The following KICS2 variants were observed in gnomAD, a reference collection of about 807,000 sequenced individuals.
KICS2 encodes the protein KICSTOR complex protein C12orf66.
In KICS2, 13 loss-of-function variants were observed where a neutral mutation model predicts 31.4. The observed-to-expected ratio is 0.41, with a 90% CI of 0.27 to 0.66. The LOEUF is 0.66. Ranked by LOEUF, KICS2 falls within the 30% of genes least tolerant of loss-of-function variation. The pLI, the probability that KICS2 is intolerant of heterozygous loss-of-function variation, is 0.28. For synonymous variants in KICS2, 209 were observed against 214.8 expected (o/e 0.97, Z 0.24); for missense variants, 455 against 545.4 (o/e 0.83, Z 1.65).
chr12:64,209,846 A>C (rs1040332612), intron 2 of KICS2, among the ~76,000 whole-genome samples: 60 of 152,350 alleles, frequency 3.9e-4, no homozygotes, highest in Middle Eastern at 6.8e-3. Context: ...TACTAGTCAC[A>C]AAATTTGTTA....
chr12:64,217,977 G>T (rs934452857), intron 1 of KICS2, among the ~76,000 whole-genome samples: 8 of 152,188 alleles, frequency 5.3e-5, no homozygotes, highest in Middle Eastern at 3.2e-3. Flanking sequence ...TTTGTGTTGG[G>T]CCGCATTCAA....
intron 2 of KICS2, among the ~76,000 whole-genome samples, chr12:64,214,628 C>G (rs2037611441): frequency 1.3e-5 from 2 of 152,148 alleles, no homozygotes; most frequent in South Asian, 4.1e-4. Flanking sequence ...ACCTGTAATC[C>G]CAGCACTTTG....
chr12:64,196,069 CGGG>C lies in KICS2; in HGVS notation c.522-1414_522-1412del, dbSNP rs1592379669. ...AGGCTTGATTAGGTAAACAAAGCAG[CGGG>C]CAGCTCCAACTGGGTGGAGCCCACC... On this transcript the variant is annotated intron_variant, in intron 2 of 2. Transcript: ENST00000398055. 1.2e-4 allele frequency among the ~76,000 whole-genome samples: 19 copies of C among 152,006 alleles called. No individual in the cohort carries two copies. In the East Asian group the frequency reaches 3.7e-3, roughly 30 times the overall value.
chr12:64,195,193 G>C (rs1454464518), intron 2 of KICS2, among the ~76,000 whole-genome samples: 1 of 152,210 alleles, frequency 6.6e-6, no homozygotes, highest in Non-Finnish European at 1.5e-5. Flanking sequence ...GGGATTACAG[G>C]TGTGGGCCAC....
At chr12:64,214,667 C>G (rs2136705277) in intron 2 of KICS2, among the ~76,000 whole-genome samples, 1 of 151,950 alleles carries the variant, frequency 6.6e-6, no homozygotes, top group East Asian at 2.0e-4. Flanking sequence ...ATCACAAGGT[C>G]AGGAGTTCGA....
chr12:64,207,025 G>T (rs911289303), intron 2 of KICS2, among the ~76,000 whole-genome samples: 2 of 152,062 alleles, frequency 1.3e-5, no homozygotes, highest in African/African-American at 4.8e-5. Flanking sequence ...TGGTAAATTT[G>T]CTGGGGGCGG....
chr12:64,195,668 T>C (rs979418114), intron 2 of KICS2, among the ~76,000 whole-genome samples: 1 of 152,222 alleles, frequency 6.6e-6, no homozygotes, highest in Non-Finnish European at 1.5e-5. Flanking sequence ...ACGGGTGATT[T>C]CTGCATTTCC....
intron 1 of KICS2, among the ~76,000 whole-genome samples, chr12:64,216,301 G>A (rs1243070908): frequency 6.6e-6 from 1 of 152,072 alleles, no homozygotes; most frequent in East Asian, 1.9e-4. Context: ...CCAATTCAAT[G>A]AGGATTCAGA....
At chr12:64,214,474 A>G (rs1002071050) in intron 2 of KICS2, among the ~76,000 whole-genome samples, 1 of 152,222 alleles carries the variant, frequency 6.6e-6, no homozygotes, top group Non-Finnish European at 1.5e-5. Flanking sequence ...AGAGAGAAAG[A>G]ATTGCAAGTA....
downstream of KICS2, among the ~76,000 whole-genome samples, chr12:64,189,965 AAAGG>A (rs1474590809): frequency 6.6e-6 from 1 of 152,168 alleles, no homozygotes; most frequent in African/African-American, 2.4e-5. Flanking sequence ...TAGAGTAACC[AAAGG>A]AAAAAAAAAG....
At chr12:64,202,353 T>C (rs1362729393) in intron 2 of KICS2, among the ~76,000 whole-genome samples, 1 of 152,012 alleles carries the variant, frequency 6.6e-6, no homozygotes, top group Non-Finnish European at 1.5e-5. Flanking sequence ...CTGAGGCTAG[T>C]GGGCTGTGAT....
chr12:64,203,174 G>A (rs1387965951), intron 2 of KICS2, among the ~76,000 whole-genome samples: 1 of 152,176 alleles, frequency 6.6e-6, no homozygotes, highest in Non-Finnish European at 1.5e-5. Flanking sequence ...TATGACTCAA[G>A]CAGAAATTTA....
chr12:64,210,125 C>T (rs928230022), intron 2 of KICS2, among the ~76,000 whole-genome samples: 6 of 152,154 alleles, frequency 3.9e-5, no homozygotes, highest in African/African-American at 1.4e-4. Flanking sequence ...AATCATTATA[C>T]AGAAGTTCAA....
rs181276815 is a variant in KICS2, at chr12:64,210,654, G to A, written c.521+5024C>T. 2.8e-4 allele frequency among the ~76,000 whole-genome samples: 43 copies of A among 152,236 alleles called. No individual in the cohort carries two copies. The East Asian group carries it at 5.0e-3, about 18-fold the overall frequency. On this transcript the variant is annotated intron_variant, in intron 2 of 2. Transcript: ENST00000398055. ...TATCCAGGGATGGTGGCATGCTCCCGTAGTCCTAGCCACTTGGCAGACTGA... is the reference window on the plus strand; with the variant it reads ...TATCCAGGGATGGTGGCATGCTCCCATAGTCCTAGCCACTTGGCAGACTGA...
intron 1 of KICS2, among the ~76,000 whole-genome samples, chr12:64,219,592 T>G (rs2037660236): frequency 6.6e-6 from 1 of 152,124 alleles, no homozygotes; most frequent in South Asian, 2.1e-4. Flanking sequence ...ACTTGAAATT[T>G]GCTAAGAGAG....
chr12:64,194,765 T>C, intron 2 of KICS2, 107 bp from the exon 3 acceptor site: 1 of 1,388,062 alleles, frequency 7.2e-7, no homozygotes, highest in Non-Finnish European at 9.5e-7. Flanking sequence ...ATATTATGCT[T>C]CAGGACAGGG....
At chr12:64,221,272 T>C (rs937607749) in intron 1 of KICS2, among the ~76,000 whole-genome samples, 2 of 152,226 alleles carry the variant, frequency 1.3e-5, no homozygotes, top group Non-Finnish European at 2.9e-5. Context: ...TTCAAATATA[T>C]TTATTTGTCA....
At position 64,192,492 on chromosome 12, in the gene KICS2, C is replaced by T; in HGVS notation, c.*1350G>A. 1 of 562,068 alleles carries T rather than the reference C, an allele frequency of 1.8e-6. No homozygotes were observed. The highest frequency in any genetic ancestry group is 2.3e-6 in the Non-Finnish European group (1 of 443,280). 34.8% of individuals were successfully genotyped at this position (562,068 alleles called of 1,614,324 possible). On this transcript the variant is annotated 3_prime_UTR_variant, in exon 3 of 3. Coordinates refer to ENST00000398055, the MANE Select transcript of KICS2 (RefSeq NM_152440.5). ...GGCTTCCTACATGGACTCTGAGGGG[C>T]TCTCTGGTCTCTGCTGATGTTGCTG...
chr12:64,205,049 C>A (rs541866288), intron 2 of KICS2: 1 of 152,162 alleles, frequency 6.6e-6, no homozygotes, highest in Admixed American at 6.5e-5. Flanking sequence ...CTTCTATAAT[C>A]ATGGCTATTA....
Sources: gnomAD v4.1 joint callset for allele counts (sites outside exome capture counted in the v4.1 genomes callset) on GRCh38, gnomAD v4.1.1 for gene constraint, MANE v1.5 for transcripts, NCBI Gene and HGNC (gene_info 2026-07-23, HGNC 2026-07-21) for gene names.